Variants in SGCD observed in about 807,000 individuals in gnomAD.
SGCD encodes the protein sarcoglycan delta.
Under a neutral mutation model 36.6 loss-of-function variants are expected in SGCD, and 18 were observed. The ratio of observed to expected loss-of-function variants is 0.49; its 90% CI spans 0.34 to 0.73. The LOEUF (loss-of-function observed/expected upper bound fraction) is 0.73, where lower values mean the gene tolerates loss of function less well. Among genes scored for constraint, SGCD ranks in the 30% least tolerant of loss-of-function variants. The pLI is 0.01. For synonymous variants in SGCD, 133 were observed against 130.6 expected, an observed-to-expected ratio of 1.02 and a Z score of -0.12; for missense variants, 387 against 346.7, an observed-to-expected ratio of 1.12 and a Z score of -0.92.
intron 3 of SGCD, among the ~76,000 whole-genome samples, chr5:156,497,155 TTCTC>T (rs1756230001): frequency 6.7e-6 from 1 of 148,736 alleles, no homozygotes; most frequent in Non-Finnish European, 1.5e-5. Flanking sequence ...CTCGTTTTCT[TTCTC>T]ACTCTCCTGC....
intron 1 of SGCD, among the ~76,000 whole-genome samples, chr5:156,000,943 G>A (rs979170187): frequency 2.0e-5 from 3 of 152,160 alleles, no homozygotes; most frequent in African/African-American, 7.2e-5. Context: ...AGGATGGCTG[G>A]ATTGGAGGAT....
intron 3 of SGCD, among the ~76,000 whole-genome samples, chr5:156,349,408 C>A (rs753085256): frequency 6.7e-6 from 1 of 149,884 alleles, no homozygotes; most frequent in Non-Finnish European, 1.5e-5. Context: ...GAAAAAAAAA[C>A]AGGTGATCTC....
chr5:156,687,078 C>G (rs157668), intron 7 of SGCD, among the ~76,000 whole-genome samples: 4,276 of 152,224 alleles, frequency 0.028, 186 homozygotes, highest in East Asian at 0.17. Flanking sequence ...ATGCTACAAT[C>G]TCCTGGGAAC....
chr5:156,078,517 A>AT (rs1178661854), intron 1 of SGCD, among the ~76,000 whole-genome samples: 38 of 135,880 alleles, frequency 2.8e-4, no homozygotes, highest in African/African-American at 4.0e-4. Flanking sequence ...TCTCAAAAAA[A>AT]AAAATATATA....
At chr5:156,108,952 T>C (rs1761716024) in intron 1 of SGCD, among the ~76,000 whole-genome samples, 2 of 152,186 alleles carry the variant, frequency 1.3e-5, no homozygotes, top group African/African-American at 4.8e-5. Context: ...TTGTCTCCAA[T>C]AATAACAGCA....
chr5:155,879,544 T>A (rs1310906587), intron 1 of SGCD, among the ~76,000 whole-genome samples: 1 of 152,140 alleles, frequency 6.6e-6, no homozygotes, highest in Non-Finnish European at 1.5e-5. Flanking sequence ...ATGCAAGTAT[T>A]CTTTCTTGTA....
chr5:156,099,822 T>G (rs919320191), intron 1 of SGCD, among the ~76,000 whole-genome samples: 2 of 152,038 alleles, frequency 1.3e-5, no homozygotes, highest in African/African-American at 2.4e-5. Flanking sequence ...AATAAATGTG[T>G]GTTTAAGCCA....
intron 3 of SGCD, among the ~76,000 whole-genome samples, chr5:156,466,424 A>G (rs1037980774): frequency 2.6e-5 from 4 of 152,298 alleles, no homozygotes; most frequent in African/African-American, 7.2e-5. Flanking sequence ...CGGGCGTTCA[A>G]TTGGTCCTCA....
chr5:156,535,179 A>G (rs1416237983), intron 4 of SGCD, among the ~76,000 whole-genome samples: 2 of 152,172 alleles, frequency 1.3e-5, no homozygotes, highest in African/African-American at 4.8e-5. Flanking sequence ...TCAGAATATC[A>G]CACACCAATG....
chr5:155,997,923 G>A (rs1427933887), intron 1 of SGCD, among the ~76,000 whole-genome samples: 2 of 152,150 alleles, frequency 1.3e-5, no homozygotes, highest in African/African-American at 2.4e-5. Flanking sequence ...TCATTCCACA[G>A]CATCTTACAT....
intron 7 of SGCD, among the ~76,000 whole-genome samples, chr5:156,726,414 C>T (rs556669583): frequency 3.3e-5 from 5 of 152,310 alleles, no homozygotes; most frequent in Non-Finnish European, 5.9e-5. Flanking sequence ...TACATAATTA[C>T]TTTCTAACTT....
chr5:155,830,392 G>C, the SGCD span, among the ~76,000 whole-genome samples: 1 of 152,134 alleles, frequency 6.6e-6, no homozygotes, highest in East Asian at 1.9e-4. Context: ...AGGGACACAT[G>C]CTTATGACCT....
intron 3 of SGCD, among the ~76,000 whole-genome samples, chr5:156,308,484 G>A (rs1253186652): frequency 6.6e-6 from 1 of 152,114 alleles, no homozygotes; most frequent in East Asian, 1.9e-4. Context: ...ATTTTTAGTA[G>A]AGATGGGGTT....
intron 3 of SGCD, among the ~76,000 whole-genome samples, chr5:156,171,365 T>C (rs1023422862): frequency 6.6e-6 from 1 of 152,226 alleles, no homozygotes; most frequent in African/African-American, 2.4e-5. Flanking sequence ...TTTTCCAAAA[T>C]GTCTTCTGCT....
the SGCD span, among the ~76,000 whole-genome samples, chr5:155,859,196 G>A: frequency 6.6e-6 from 1 of 151,852 alleles, no homozygotes; most frequent in African/African-American, 2.4e-5. Flanking sequence ...GAGGACTACA[G>A]GCATGTGCCA....
intron 4 of SGCD, among the ~76,000 whole-genome samples, chr5:156,586,463 T>C (rs1344715123): frequency 6.6e-6 from 1 of 152,202 alleles, no homozygotes; most frequent in African/African-American, 2.4e-5. Context: ...TTCTATACGG[T>C]GCTCTTTGAA....
chr5:156,080,273 C>G (rs1034116577), intron 1 of SGCD, among the ~76,000 whole-genome samples: 1 of 152,168 alleles, frequency 6.6e-6, no homozygotes, highest in Non-Finnish European at 1.5e-5. Context: ...ATCTAGTCCT[C>G]TTAGGTCTCT....
chr5:156,386,289 G>T (rs570551541), intron 3 of SGCD, among the ~76,000 whole-genome samples: 1 of 152,196 alleles, frequency 6.6e-6, no homozygotes, highest in Non-Finnish European at 1.5e-5. Context: ...ACTATCTTCT[G>T]TGTGACTCTG....
chr5:155,956,864 ATCCTTTTT>A (rs1280772549), intron 1 of SGCD, among the ~76,000 whole-genome samples: 1 of 147,784 alleles, frequency 6.8e-6, no homozygotes, highest in African/African-American at 2.5e-5. Context: ...GTCTGCAAAG[ATCCTTTTT>A]CCCAATAAGG....
Sources: allele counts gnomAD v4.1 joint callset (sites outside exome capture counted in the v4.1 genomes callset), GRCh38; gene constraint gnomAD v4.1.1; transcripts MANE v1.5; gene names NCBI Gene and HGNC (gene_info 2026-07-23, HGNC 2026-07-21).